PCLO: variants seen among roughly 807,000 people sequenced by gnomAD.
PCLO encodes piccolo presynaptic cytomatrix protein.
A neutral mutation model predicts 427.5 loss-of-function variants in PCLO; 82 were observed. That is an observed-to-expected ratio of 0.19 (90% CI 0.16 to 0.23). PCLO has a LOEUF of 0.23. Ranked by LOEUF, PCLO falls within the 10% of genes least tolerant of loss-of-function variation. The pLI, the probability that PCLO is intolerant of heterozygous loss-of-function variation, is 1.00. For missense variants in PCLO, 6,239 were observed against 6,115.9 expected (o/e 1.02, Z -0.67); for synonymous variants, 2,357 against 2,155.4 (o/e 1.09, Z -2.59).
At chr7:83,140,168 A>C (rs573905873) in intron 2 of PCLO, among the ~76,000 whole-genome samples, 1 of 152,196 alleles carries the variant, frequency 6.6e-6, no homozygotes, top group African/African-American at 2.4e-5. Flanking sequence ...AAAATCTCAT[A>C]ATATTTTTGC....
intron 10 of PCLO, among the ~76,000 whole-genome samples, chr7:82,877,851 T>C (rs1793411383): frequency 6.6e-6 from 1 of 152,092 alleles, no homozygotes; most frequent in Non-Finnish European, 1.5e-5. Flanking sequence ...TTTTGTTTTT[T>C]AGTAGAGACA....
intron 3 of PCLO, among the ~76,000 whole-genome samples, chr7:83,110,230 A>T (rs946941147): frequency 1.3e-5 from 2 of 151,908 alleles, no homozygotes; most frequent in Admixed American, 6.6e-5. Flanking sequence ...TGCAGCTTTC[A>T]TCTACAGAAT....
chr7:82,785,342 G>A (rs924764858), intron 22 of PCLO, among the ~76,000 whole-genome samples: 51 of 152,252 alleles, frequency 3.3e-4, no homozygotes, highest in African/African-American at 1.2e-3. Context: ...ACAGGACGCA[G>A]AACTCAGGAG....
At chr7:83,062,356 A>G (rs768860856) in intron 3 of PCLO, among the ~76,000 whole-genome samples, 10 of 152,170 alleles carry the variant, frequency 6.6e-5, no homozygotes, top group Admixed American at 1.3e-4. Context: ...TTCTCTAGAT[A>G]AAAGGGAAAT....
intron 3 of PCLO, among the ~76,000 whole-genome samples, chr7:82,994,618 T>TATAA (rs199822334): frequency 3.9e-5 from 1 of 25,374 alleles, no homozygotes; most frequent in Non-Finnish European, 6.4e-5. Flanking sequence ...TCATAGTAGG[T>TATAA]ATATATATAT....
intron 2 of PCLO, among the ~76,000 whole-genome samples, chr7:83,136,398 G>C (rs1791730561): frequency 6.6e-6 from 1 of 151,922 alleles, no homozygotes; most frequent in Non-Finnish European, 1.5e-5. Flanking sequence ...TCAGTTATGA[G>C]AGTTATTTTC....
chr7:82,828,182 AT>A (rs5885314), intron 16 of PCLO, among the ~76,000 whole-genome samples: 3 of 151,168 alleles, frequency 2.0e-5, no homozygotes, highest in Admixed American at 1.3e-4. Context: ...TGCCCTTATG[AT>A]TTTTTTTTAA....
At chr7:82,984,304 T>G (rs1022182990) in intron 3 of PCLO, among the ~76,000 whole-genome samples, 1 of 151,972 alleles carries the variant, frequency 6.6e-6, no homozygotes. Flanking sequence ...AATCATTACC[T>G]CTCATTAACA....
intron 6 of PCLO, among the ~76,000 whole-genome samples, chr7:82,941,467 T>C (rs2116384115): frequency 6.6e-6 from 1 of 152,262 alleles, no homozygotes; most frequent in East Asian, 1.9e-4. Flanking sequence ...GCAAATAAAA[T>C]TGATGTTGGG....
chr7:83,009,016 T>G (rs41587), intron 3 of PCLO, among the ~76,000 whole-genome samples: 42,728 of 151,490 alleles, frequency 0.28, 6,485 homozygotes, highest in Middle Eastern at 0.44. Context: ...CTCCAGCAAT[T>G]CTATACCCAT....
At chr7:82,788,959 C>T (rs1562786800) in intron 22 of PCLO, among the ~76,000 whole-genome samples, 2 of 151,786 alleles carry the variant, frequency 1.3e-5, no homozygotes, top group African/African-American at 4.8e-5. Context: ...CATTCTATCT[C>T]ATTCTGTTCT....
At chr7:82,852,204 A>C in intron 10 of PCLO, among the ~76,000 whole-genome samples, 1 of 152,280 alleles carries the variant, frequency 6.6e-6, no homozygotes, top group East Asian at 1.9e-4. Flanking sequence ...GAGTATATTT[A>C]TTTTGAAATA....
intron 3 of PCLO, among the ~76,000 whole-genome samples, chr7:82,995,681 A>G (rs912877592): frequency 6.6e-6 from 1 of 152,008 alleles, no homozygotes; most frequent in Non-Finnish European, 1.5e-5. Context: ...CAAGGCTGCT[A>G]CTTCCTAATT....
intron 6 of PCLO, among the ~76,000 whole-genome samples, chr7:82,948,839 GATTA>G (rs1289434539): frequency 6.6e-6 from 1 of 152,108 alleles, no homozygotes; most frequent in Non-Finnish European, 1.5e-5. Context: ...CCTGAGTTTA[GATTA>G]ATAAAGTTGC....
chr7:82,938,064 T>A (rs1167188514), intron 6 of PCLO, among the ~76,000 whole-genome samples: 1 of 151,826 alleles, frequency 6.6e-6, no homozygotes, highest in Non-Finnish European at 1.5e-5. Flanking sequence ...CATTTAAGAG[T>A]CACAGCTTTG....
intron 3 of PCLO, among the ~76,000 whole-genome samples, chr7:83,061,687 A>G (rs534410518): frequency 6.6e-5 from 10 of 152,290 alleles, no homozygotes; most frequent in African/African-American, 2.2e-4. Context: ...TTGCTAAAAA[A>G]AATAGGATCC....
At chr7:82,775,268 G>C (rs756061922) in intron 22 of PCLO, among the ~76,000 whole-genome samples, 3 of 152,130 alleles carry the variant, frequency 2.0e-5, no homozygotes, top group Non-Finnish European at 2.9e-5. Flanking sequence ...GCATGATTGT[G>C]GAATCATATA....
Position 83,077,496 on chromosome 7 carries a change from A to G in PCLO, c.3300+56754T>C, listed in dbSNP as rs111775123. ...TTTAAGTGGTTTCATCATCAAAAAA[A>G]TAAGTGTGGAAGCCAGAACCAGCTT... On this transcript the variant is annotated intron_variant, in intron 3 of 24. Transcript: ENST00000333891. 4.9e-3 allele frequency among the ~76,000 whole-genome samples: 753 copies of G among 152,222 alleles called. 5 individuals are homozygous for G. The highest frequency in any genetic ancestry group is 0.017 in the African/African-American group (705 of 41,492).
intron 3 of PCLO, among the ~76,000 whole-genome samples, chr7:83,112,672 A>G (rs1791035872): frequency 6.6e-6 from 1 of 152,186 alleles, no homozygotes; most frequent in African/African-American, 2.4e-5. Flanking sequence ...ACTTCTCTCC[A>G]GAAAGCTCTT....
Sources: gnomAD v4.1 joint callset for allele counts (sites outside exome capture counted in the v4.1 genomes callset) on GRCh38, gnomAD v4.1.1 for gene constraint, MANE v1.5 for transcripts, NCBI Gene and HGNC (gene_info 2026-07-23, HGNC 2026-07-21) for gene names.